The following TMEM132B variants were observed in gnomAD, a reference collection of about 807,000 sequenced individuals.
TMEM132B encodes transmembrane protein 132B.
TMEM132B carries 18 observed loss-of-function variants against 90.8 expected under a neutral mutation model. The observed-to-expected ratio is 0.20, with a 90% CI of 0.14 to 0.29. The LOEUF (loss-of-function observed/expected upper bound fraction) is 0.29, where lower values mean the gene tolerates loss of function less well. Ranked by LOEUF, TMEM132B falls within the 10% of genes least tolerant of loss-of-function variation. The probability of loss-of-function intolerance (pLI) is 1.00; values close to 1 mark genes in which losing one functional copy is unlikely to be tolerated. For missense variants in TMEM132B, 1,096 were observed against 1,326.8 expected (o/e 0.83, Z 2.70); for synonymous variants, 504 against 523.3 (o/e 0.96, Z 0.50).
intron 1 of TMEM132B, among the ~76,000 whole-genome samples, chr12:125,237,802 C>T (rs965455690): frequency 2.6e-5 from 4 of 152,168 alleles, no homozygotes; most frequent in Non-Finnish European, 4.4e-5. Flanking sequence ...CTTCACAGCA[C>T]CAGCACTGAT....
chr12:125,429,163 G>A (rs1880422520), intron 3 of TMEM132B, among the ~76,000 whole-genome samples: 1 of 150,332 alleles, frequency 6.7e-6, no homozygotes, highest in Admixed American at 6.6e-5. Context: ...AGAGTCCATA[G>A]TTTATTCAAA....
intron 1 of TMEM132B, among the ~76,000 whole-genome samples, chr12:125,290,610 C>T (rs976016372): frequency 5.3e-5 from 8 of 152,230 alleles, no homozygotes; most frequent in Admixed American, 3.3e-4. Context: ...GTTGGTGGGA[C>T]TCATCTGTGC....
At chr12:125,422,235 A>G (rs1880189161) in intron 3 of TMEM132B, among the ~76,000 whole-genome samples, 1 of 152,244 alleles carries the variant, frequency 6.6e-6, no homozygotes, top group African/African-American at 2.4e-5. Context: ...TTCCCATTTA[A>G]CAGATGTGTA....
intron 1 of TMEM132B, among the ~76,000 whole-genome samples, chr12:125,311,697 A>G (rs942746910): frequency 2.0e-5 from 3 of 152,196 alleles, no homozygotes; most frequent in African/African-American, 7.2e-5. Context: ...ATCATAGCCC[A>G]CTATGCCTCT....
At chr12:125,333,660 A>C (rs1876864511) in intron 1 of TMEM132B, among the ~76,000 whole-genome samples, 1 of 152,166 alleles carries the variant, frequency 6.6e-6, no homozygotes, top group African/African-American at 2.4e-5. Flanking sequence ...TGCTAGCTAA[A>C]GAGAGCAGCA....
chr12:125,501,674 C>T (rs891335031), intron 3 of TMEM132B, among the ~76,000 whole-genome samples: 1 of 152,086 alleles, frequency 6.6e-6, no homozygotes, highest in African/African-American at 2.4e-5. Flanking sequence ...TGTGGGATGC[C>T]ATGGCTGAAT....
In TMEM132B at chr12:125,498,158, A is replaced by G. The variant is rs559524244; in HGVS notation, c.1107-21281A>G. ...ATGACCCTACAAGCCAGTGTGTTTTAAACTAGAGGCATCCTCTGGTTCTCT... is the reference window on the plus strand; with the variant it reads ...ATGACCCTACAAGCCAGTGTGTTTTGAACTAGAGGCATCCTCTGGTTCTCT... On this transcript the variant is annotated intron_variant, in intron 3 of 8. Coordinates refer to ENST00000682704, the MANE Select transcript of TMEM132B (RefSeq NM_001366854.1). This position sits in a 1 kb window ranked among gnomAD's most constrained non-coding sequence, Gnocchi z 4.5. Among the ~76,000 whole-genome samples, 3 of 152,296 alleles carry G rather than the reference A, an allele frequency of 2.0e-5. No homozygotes were observed. The East Asian group carries it at 5.8e-4, about 29-fold the overall frequency.
rs1957762287 is a variant in TMEM132B at position 125,186,693 on chromosome 12, T to A, written c.-107T>A. The A allele has an allele frequency of 6.9e-6, 1 of 144,400 alleles. No homozygotes were observed. Among genetic ancestry groups the A allele is most frequent in the East Asian group, 2.1e-4 (1 of 4,728 alleles). The allele number at this position is 144,400 out of a possible 1,614,324, so 8.9% of individuals were successfully genotyped here. On this transcript the variant is annotated 5_prime_UTR_variant, in exon 1 of 9. The change abolishes an upstream ATG in the 5' untranslated region. Coordinates refer to ENST00000682704, the MANE Select transcript of TMEM132B (RefSeq NM_001366854.1). This position sits in a 1 kb window ranked among gnomAD's most constrained non-coding sequence, Gnocchi z 6.3. ...GGAGCGGCGCGCTGGGAGCGAGCCA[T>A]GCCCGGCGCCCGGGCGTAGCCGCCG...
In TMEM132B at chr12:125,415,694, C is replaced by T. The variant is rs1328088146; in HGVS notation, c.1106+17C>T. ...GCAGAGCAGGTAAGCATGGAGATCC[C>T]CAAGGCACCTCCGCAGTGGGGAGGA... On this transcript the variant is annotated intron_variant, in intron 3 of 8. Coordinates refer to ENST00000682704, the MANE Select transcript of TMEM132B (RefSeq NM_001366854.1). The surrounding 1 kb of genome is among the most constrained non-coding windows in gnomAD (Gnocchi z 5.3). The T allele has an allele frequency of 1.2e-6, 2 of 1,613,240 alleles. No homozygotes were observed. The highest frequency in any genetic ancestry group is 1.3e-5 in the African/African-American group (1 of 74,876).
chr12:125,455,073 A>G (rs952461972), intron 3 of TMEM132B, among the ~76,000 whole-genome samples: 3 of 152,176 alleles, frequency 2.0e-5, no homozygotes, highest in Non-Finnish European at 2.9e-5. Context: ...ACAACCATTG[A>G]CGATTCAAGG....
intron 1 of TMEM132B, among the ~76,000 whole-genome samples, chr12:125,342,369 C>A (rs1304946285): frequency 2.0e-5 from 3 of 152,156 alleles, no homozygotes; most frequent in Non-Finnish European, 4.4e-5. Context: ...TAATTTAACT[C>A]CCCTCACCCC....
chr12:125,644,012 G>C lies in TMEM132B; in HGVS notation c.1438-64G>C. 2.1e-6 allele frequency: 3 copies of C among 1,452,678 alleles called. 1 individual carries two copies. The South Asian group carries it at 3.5e-5, about 17-fold the overall frequency. The allele number at this position is 1,452,678 out of a possible 1,614,324, so 90.0% of individuals were successfully genotyped here. Reference sequence around the variant, plus strand: ...CTGCTGCAGTTCATGAACTTTCACTGTTGTTGTTTTTTCCTTGTGCTTTTC... The same window carrying C: ...CTGCTGCAGTTCATGAACTTTCACTCTTGTTGTTTTTTCCTTGTGCTTTTC... On this transcript the variant is annotated intron_variant, in intron 5 of 8. Transcript: ENST00000682704.
In TMEM132B at chr12:125,399,338, T is replaced by G. The variant is rs550164212; in HGVS notation, c.960-16193T>G. Among the ~76,000 whole-genome samples the G allele has an allele frequency of 2.1e-3, 319 of 152,246 alleles. 2 individuals carry two copies. The highest frequency in any genetic ancestry group is 7.1e-3 in the African/African-American group (297 of 41,548). On this transcript the variant is annotated intron_variant, in intron 2 of 8. Coordinates refer to ENST00000682704, the MANE Select transcript of TMEM132B (RefSeq NM_001366854.1). Reference sequence around the variant, plus strand: ...ATGGCATGTACTGTCACCAAATGAGTGGCTAAGTAAAACATGCCGTAGGCT... The same window carrying G: ...ATGGCATGTACTGTCACCAAATGAGGGGCTAAGTAAAACATGCCGTAGGCT...
At position 125,186,960 on chromosome 12, in the gene TMEM132B, C is replaced by A. The variant is rs1957763785; in HGVS notation, c.67+94C>A. The A allele has an allele frequency of 6.6e-6, 1 of 152,232 alleles. No homozygotes were observed. Among genetic ancestry groups the A allele is most frequent in the Non-Finnish European group, 1.5e-5 (1 of 68,064 alleles). 9.4% of individuals were successfully genotyped at this position (152,232 alleles called of 1,614,324 possible). A position where few individuals can be genotyped will look rare whatever the true frequency, so the allele number is the denominator to read the frequency against. ...CCTCCTTCTCAAGTCCCTGGCAGCG[C>A]GCATCTCCCGGACTTGGACAGACCT... On this transcript the variant is annotated intron_variant, in intron 1 of 8. Coordinates refer to ENST00000682704, the MANE Select transcript of TMEM132B (RefSeq NM_001366854.1). The surrounding 1 kb of genome is among the most constrained non-coding windows in gnomAD (Gnocchi z 6.3).
chr12:125,280,033 G>A (rs1027434965), intron 1 of TMEM132B, among the ~76,000 whole-genome samples: 1 of 152,160 alleles, frequency 6.6e-6, no homozygotes, highest in Non-Finnish European at 1.5e-5. Flanking sequence ...AGAAAACTGA[G>A]ACACAGAGAG....
rs185011543 is a variant in TMEM132B at position 125,624,729 on chromosome 12, C to T, written c.1438-19347C>T. ...TTGTGTTCACGATCTTACTAGAGTCCAGGGTTTGTGTGCGGTCCTTTTTGT... is the reference window on the plus strand; with the variant it reads ...TTGTGTTCACGATCTTACTAGAGTCTAGGGTTTGTGTGCGGTCCTTTTTGT... On this transcript the variant is annotated intron_variant, in intron 5 of 8. Transcript: ENST00000682704. Among the ~76,000 whole-genome samples, 202 of 152,226 alleles carry T rather than the reference C, an allele frequency of 1.3e-3. 1 individual carries two copies. The highest frequency in any genetic ancestry group is 4.7e-3 in the African/African-American group (196 of 41,530).
intron 1 of TMEM132B, among the ~76,000 whole-genome samples, chr12:125,214,334 C>A (rs561279379): frequency 1.3e-5 from 2 of 152,218 alleles, no homozygotes; most frequent in Non-Finnish European, 2.9e-5. Context: ...ATTCTCAGGG[C>A]AGCTTCTTCT....
intron 5 of TMEM132B, among the ~76,000 whole-genome samples, chr12:125,604,481 C>T (rs779442874): frequency 4.6e-5 from 7 of 151,914 alleles, no homozygotes; most frequent in South Asian, 2.1e-4. Flanking sequence ...AGCATTGGGA[C>T]GAATAGCTAA....
At chr12:125,206,977 C>T (rs953154439) in intron 1 of TMEM132B, among the ~76,000 whole-genome samples, 5 of 152,156 alleles carry the variant, frequency 3.3e-5, no homozygotes, top group African/African-American at 1.2e-4. Flanking sequence ...AGTAAGAGCC[C>T]CGCCTGTTTC....
Sources: allele counts gnomAD v4.1 joint callset (sites outside exome capture counted in the v4.1 genomes callset), GRCh38; gene constraint gnomAD v4.1.1; non-coding constraint Gnocchi (gnomAD v3.1); transcripts MANE v1.5; gene names NCBI Gene and HGNC (gene_info 2026-07-23, HGNC 2026-07-21).